The following EXOC6 variants were observed in gnomAD, a reference collection of about 807,000 sequenced individuals.
The protein encoded by EXOC6 is SEC15-like 1.
In EXOC6, 60 loss-of-function variants were observed where a neutral mutation model predicts 112.5. That is an observed-to-expected ratio of 0.53 (90% CI 0.43 to 0.66). The LOEUF (loss-of-function observed/expected upper bound fraction) is 0.66, where lower values mean the gene tolerates loss of function less well. Among genes scored for constraint, EXOC6 ranks in the 30% least tolerant of loss-of-function variants. The pLI is 0.00. For synonymous variants in EXOC6, 295 were observed against 308.0 expected (o/e 0.96, Z 0.44); for missense variants, 855 against 957.1 (o/e 0.89, Z 1.41).
At chr10:93,029,408 C>A (rs1485092718) in intron 20 of EXOC6, among the ~76,000 whole-genome samples, 1 of 152,042 alleles carries the variant, frequency 6.6e-6, no homozygotes, top group Non-Finnish European at 1.5e-5. Context: ...GAATTTTTTT[C>A]ATCCATGTAT....
At chr10:93,034,863 C>A (rs1845442058) in intron 20 of EXOC6, among the ~76,000 whole-genome samples, 1 of 152,206 alleles carries the variant, frequency 6.6e-6, no homozygotes, top group East Asian at 1.9e-4. Context: ...TTCACAGGAA[C>A]TTTCTTTAGA....
chr10:92,972,507 T>A (rs1209908477), intron 17 of EXOC6, among the ~76,000 whole-genome samples: 1 of 152,148 alleles, frequency 6.6e-6, no homozygotes, highest in Non-Finnish European at 1.5e-5. Context: ...GTGGAATTTT[T>A]TTTGGAACTG....
intron 20 of EXOC6, among the ~76,000 whole-genome samples, chr10:93,023,779 TAAA>T (rs1179814678): frequency 6.6e-6 from 1 of 152,204 alleles, no homozygotes; most frequent in African/African-American, 2.4e-5. Context: ...TATGAAAACT[TAAA>T]AAAATTTAAA....
At position 92,988,142 on chromosome 10, in the gene EXOC6, GCATGACCCAGTGTGATT is replaced by G. The variant is rs1843084154; in HGVS notation, c.1954-9319_1954-9303del. Among the ~76,000 whole-genome samples the G allele has an allele frequency of 3.9e-5, 6 of 152,256 alleles. No homozygotes were observed. In the South Asian group the frequency reaches 1.2e-3, roughly 32 times the overall value. On this transcript the variant is annotated intron_variant, in intron 18 of 21. Coordinates refer to ENST00000260762, the MANE Select transcript of EXOC6 (RefSeq NM_019053.6). ...TGCACTCGTAGAAGTCTAACCCAGT[GCATGACCCAGTGTGATT>G]CATGACCCAGTGCAGGTATTTCTTT...
intron 20 of EXOC6, among the ~76,000 whole-genome samples, chr10:93,029,625 G>A (rs1046540802): frequency 6.6e-6 from 1 of 152,138 alleles, no homozygotes; most frequent in African/African-American, 2.4e-5. Flanking sequence ...ATGAGGAGAA[G>A]TTCATAATAG....
At chr10:92,992,263 G>A (rs1308788973) in intron 18 of EXOC6, among the ~76,000 whole-genome samples, 1 of 143,852 alleles carries the variant, frequency 7.0e-6, no homozygotes, top group Non-Finnish European at 1.5e-5. Flanking sequence ...TCTCCAGCCT[G>A]GGTGAAAGAT....
chr10:92,934,256 C>A, intron 10 of EXOC6, 54 bp from the exon 11 acceptor site: 1 of 1,527,468 alleles, frequency 6.5e-7, no homozygotes, highest in South Asian at 1.3e-5. Context: ...GAAATACTTA[C>A]TTTCTATTAG....
chr10:92,936,611 GAAAC>G (rs1564844066), intron 12 of EXOC6, among the ~76,000 whole-genome samples: 1 of 152,136 alleles, frequency 6.6e-6, no homozygotes, highest in African/African-American at 2.4e-5. Context: ...CAAAAAACAC[GAAAC>G]AAACAAAAAA....
upstream of EXOC6, chr10:92,831,433 T>A (rs117454148): frequency 9.3e-3 from 8,046 of 865,176 alleles, 68 homozygotes; most frequent in South Asian, 0.02. Context: ...ATTCTATTTT[T>A]TTTTTATTTT....
At chr10:92,964,434 G>T (rs553432218) in intron 17 of EXOC6, among the ~76,000 whole-genome samples, 2 of 152,260 alleles carry the variant, frequency 1.3e-5, no homozygotes, top group Admixed American at 1.3e-4. Flanking sequence ...TTTAGGTCAA[G>T]ATAATGGATT....
chr10:93,045,637 T>C (rs1168492043), intron 20 of EXOC6, among the ~76,000 whole-genome samples: 2 of 152,238 alleles, frequency 1.3e-5, no homozygotes, highest in Admixed American at 1.3e-4. Flanking sequence ...GTAGCTTCAG[T>C]GGAGCAAAGT....
chr10:92,896,448 C>T (rs770584314), intron 4 of EXOC6, among the ~76,000 whole-genome samples: 5 of 149,608 alleles, frequency 3.3e-5, no homozygotes, highest in African/African-American at 9.9e-5. Flanking sequence ...CTGCCTGCCT[C>T]GGCCTCCCAA....
intron 15 of EXOC6, among the ~76,000 whole-genome samples, chr10:92,954,159 A>G (rs946615702): frequency 6.6e-6 from 1 of 152,144 alleles, no homozygotes; most frequent in Admixed American, 6.6e-5. Flanking sequence ...ATGCATCTGT[A>G]GTCCCAGCTA....
At chr10:93,041,299 C>CAACAATCTTA (rs1845763528) in intron 20 of EXOC6, among the ~76,000 whole-genome samples, 1 of 152,188 alleles carries the variant, frequency 6.6e-6, no homozygotes, top group Non-Finnish European at 1.5e-5. Context: ...AAGATTGTTA[C>CAACAATCTTA]AACAGTCTCC....
intron 12 of EXOC6, 55 bp downstream of exon 12, chr10:92,935,940 A>G: frequency 9.1e-7 from 1 of 1,096,198 alleles, no homozygotes; most frequent in Non-Finnish European, 1.4e-6. Context: ...AACATACAAA[A>G]TATAGGCTAT....
At chr10:92,863,486 A>T (rs954031260) in intron 1 of EXOC6, among the ~76,000 whole-genome samples, 9 of 152,156 alleles carry the variant, frequency 5.9e-5, no homozygotes, top group Non-Finnish European at 1.2e-4. Context: ...GGTGTAAAAG[A>T]TGTCTTGAGG....
rs1288303273 is a variant in EXOC6 at position 93,003,355 on chromosome 10, T to G, written c.2095+5740T>G. ...TATTCTATACCATCATTCAGCCATG[T>G]ACTTTTTGTTTTTGTTCGTTTTATT... On this transcript the variant is annotated intron_variant, in intron 19 of 21. Coordinates refer to ENST00000260762, the MANE Select transcript of EXOC6 (RefSeq NM_019053.6). 5.3e-5 allele frequency among the ~76,000 whole-genome samples: 8 copies of G among 152,296 alleles called. No individual in the cohort carries two copies. In the South Asian group the frequency reaches 1.7e-3, roughly 32 times the overall value.
chr10:92,857,640 A>G (rs1245062597), intron 1 of EXOC6, among the ~76,000 whole-genome samples: 1 of 152,140 alleles, frequency 6.6e-6, no homozygotes, highest in South Asian at 2.1e-4. Context: ...TATATTCTAT[A>G]TATATTTTAT....
At chr10:93,056,704 T>C (rs969327727) in intron 20 of EXOC6, among the ~76,000 whole-genome samples, 2 of 152,180 alleles carry the variant, frequency 1.3e-5, no homozygotes, top group Non-Finnish European at 2.9e-5. Context: ...ACATGAAGTA[T>C]TTTACTAGAA....
Sources: gnomAD v4.1 joint callset for allele counts (sites outside exome capture counted in the v4.1 genomes callset) on GRCh38, gnomAD v4.1.1 for gene constraint, MANE v1.5 for transcripts, NCBI Gene and HGNC (gene_info 2026-07-23, HGNC 2026-07-21) for gene names.